Variants in TMEM132C observed in about 807,000 individuals in gnomAD.
TMEM132C encodes the protein transmembrane protein 132C.
Under a neutral mutation model 61.4 loss-of-function variants are expected in TMEM132C, and 29 were observed. That is an observed-to-expected ratio of 0.47 (90% CI 0.35 to 0.64). TMEM132C has a LOEUF of 0.64. Among genes scored for constraint, TMEM132C ranks in the 30% least tolerant of loss-of-function variants. The pLI, the probability that TMEM132C is intolerant of heterozygous loss-of-function variation, is 0.00. For synonymous variants in TMEM132C, 656 were observed against 633.1 expected, an observed-to-expected ratio of 1.04 and a Z score of -0.54; for missense variants, 1,408 against 1,476.9, an observed-to-expected ratio of 0.95 and a Z score of 0.76.
At chr12:128,316,198 A>G (rs4882737) in intron 1 of TMEM132C, among the ~76,000 whole-genome samples, 150,706 of 152,252 alleles carry the variant, frequency 0.99, 74,607 homozygotes, top group East Asian at 1. Context: ...CTTTGTCACT[A>G]ATTCTATTAG....
At chr12:128,302,057 G>A (rs1221893284) in intron 1 of TMEM132C, among the ~76,000 whole-genome samples, 2 of 152,126 alleles carry the variant, frequency 1.3e-5, no homozygotes, top group Non-Finnish European at 2.9e-5. Context: ...AGAACATGGG[G>A]GAATTATGGG....
At chr12:128,520,953 G>A (rs1298648251) in intron 2 of TMEM132C, among the ~76,000 whole-genome samples, 1 of 152,044 alleles carries the variant, frequency 6.6e-6, no homozygotes, top group Non-Finnish European at 1.5e-5. Context: ...CATCCCCTGA[G>A]TCTGCCTCTA....
At chr12:128,361,450 C>T (rs2135972430) in intron 1 of TMEM132C, among the ~76,000 whole-genome samples, 1 of 152,176 alleles carries the variant, frequency 6.6e-6, no homozygotes, top group Non-Finnish European at 1.5e-5. Flanking sequence ...CTGCCTGACC[C>T]TTGCCATCAC....
At position 128,290,848 on chromosome 12, in the gene TMEM132C, CA is replaced by C. The variant is rs769921191; in HGVS notation, c.85+23375del. The stretch of plus-strand genomic sequence containing the variant: ...ACTTTGCCTTCTGTGGCTCATTTAA[CA>C]AAAAAAAAAAAAAGAAATAAGTGAT... On this transcript the variant is annotated intron_variant, in intron 1 of 8. Coordinates refer to ENST00000435159, the MANE Select transcript of TMEM132C (RefSeq NM_001136103.3). 3.4e-3 allele frequency among the ~76,000 whole-genome samples: 469 copies of C among 139,552 alleles called. 6 individuals are homozygous for C. The East Asian group carries it at 0.053, about 16-fold the overall frequency. The allele number at this position is 139,552 out of a possible 152,430, so 91.6% of individuals were successfully genotyped here.
At chr12:128,470,975 T>A (rs1403977986) in intron 2 of TMEM132C, among the ~76,000 whole-genome samples, 3 of 152,204 alleles carry the variant, frequency 2.0e-5, no homozygotes, top group African/African-American at 7.2e-5. Flanking sequence ...TCTTCTTTCA[T>A]AGATCATGTT....
chr12:128,574,720 A>ATC, intron 3 of TMEM132C, among the ~76,000 whole-genome samples: 1 of 152,278 alleles, frequency 6.6e-6, no homozygotes, highest in East Asian at 1.9e-4. Flanking sequence ...CAAGTGGAAA[A>ATC]ACCATGCTAC....
chr12:128,595,930 C>A (rs1485624071), intron 3 of TMEM132C, among the ~76,000 whole-genome samples: 1 of 152,218 alleles, frequency 6.6e-6, no homozygotes, highest in Non-Finnish European at 1.5e-5. Context: ...CAGGAAAAAA[C>A]TGCCATGCCC....
chr12:128,675,879 AG>A (rs1327563644), intron 5 of TMEM132C, among the ~76,000 whole-genome samples: 46 of 89,462 alleles, frequency 5.1e-4, no homozygotes, highest in Admixed American at 3.1e-3. Flanking sequence ...ATAGATAGAT[AG>A]ATAAATAGAT....
rs1195774953 is a variant in TMEM132C, at chr12:128,429,950, GCA to G, written c.974+14333_974+14334del. On this transcript the variant is annotated intron_variant, in intron 2 of 8. Transcript: ENST00000435159. ...AGACACAATTATGCCATCCTGAGAT[GCA>G]CATTGGGGAGAGGAGGACCAGGCAT... Among the ~76,000 whole-genome samples, 187 of 152,104 alleles carry G rather than the reference GCA, an allele frequency of 1.2e-3. 1 individual carries two copies. Among genetic ancestry groups the G allele is most frequent in the Non-Finnish European group, 3.5e-4 (24 of 68,018 alleles).
intron 1 of TMEM132C, among the ~76,000 whole-genome samples, chr12:128,309,322 C>T (rs756269107): frequency 1.3e-5 from 2 of 152,160 alleles, no homozygotes; most frequent in African/African-American, 4.8e-5. Context: ...TCTTTGTGAA[C>T]TTCAAATGTT....
At chr12:128,501,450 A>G (rs1010535599) in intron 2 of TMEM132C, among the ~76,000 whole-genome samples, 5 of 152,216 alleles carry the variant, frequency 3.3e-5, no homozygotes, top group Non-Finnish European at 5.9e-5. Context: ...GCTCCTAACT[A>G]AGTGAGTGGT....
intron 2 of TMEM132C, among the ~76,000 whole-genome samples, chr12:128,483,409 C>T (rs749508114): frequency 3.4e-5 from 5 of 146,112 alleles, no homozygotes; most frequent in Admixed American, 6.9e-5. Context: ...ATTTGTGAGT[C>T]ACTGAGGGGC....
rs867859406 is a variant in TMEM132C at position 128,409,868 on chromosome 12, C to A, written c.86-4864C>A. 2.6e-4 allele frequency among the ~76,000 whole-genome samples: 40 copies of A among 152,258 alleles called. 1 individual carries two copies. Among genetic ancestry groups the A allele is most frequent in the African/African-American group, 9.6e-4 (40 of 41,556 alleles). ...TTTACCTGGAAGAGTTAATAATGAA[C>A]ACTTTCTCCCCGGCTAAGAAAGAAG... On this transcript the variant is annotated intron_variant, in intron 1 of 8. Coordinates refer to ENST00000435159, the MANE Select transcript of TMEM132C (RefSeq NM_001136103.3).
chr12:128,588,825 A>T (rs957013184), intron 3 of TMEM132C, among the ~76,000 whole-genome samples: 7 of 152,184 alleles, frequency 4.6e-5, no homozygotes, highest in African/African-American at 1.4e-4. Context: ...AACTGTGAGC[A>T]GTATGTTTCT....
chr12:128,294,986 A>AATAGATAGATAGATAGATAGATAG lies in TMEM132C; in HGVS notation c.85+27515_85+27516insATAGATAGATAGATAGATAGATAG, dbSNP rs1555251003. 1.6e-3 allele frequency among the ~76,000 whole-genome samples: 247 copies of AATAGATAGATAGATAGATAGATAG among 150,292 alleles called. 2 individuals carry two copies. Among genetic ancestry groups the AATAGATAGATAGATAGATAGATAG allele is most frequent in the African/African-American group, 5.8e-3 (235 of 40,764 alleles). On this transcript the variant is annotated intron_variant, in intron 1 of 8. Transcript: ENST00000435159. Reference sequence around the variant, plus strand: ...TGGTGTGAGCCCTAAATAAATAAATAATAGATAGATAGATAGGTAGATAGA... The same window carrying AATAGATAGATAGATAGATAGATAG: ...TGGTGTGAGCCCTAAATAAATAAATAATAGATAGATAGATAGATAGATAGATAGATAGATAGATAGGTAGATAGA...
chr12:128,403,882 C>T (rs981600775), intron 1 of TMEM132C, among the ~76,000 whole-genome samples: 1 of 152,202 alleles, frequency 6.6e-6, no homozygotes, highest in Non-Finnish European at 1.5e-5. Flanking sequence ...TAATATCTGA[C>T]AAACTACCTC....
chr12:128,269,670 T>C (rs557025696), intron 1 of TMEM132C, among the ~76,000 whole-genome samples: 31 of 152,268 alleles, frequency 2.0e-4, no homozygotes, highest in African/African-American at 6.3e-4. Context: ...CTGCAACTTA[T>C]CATCTGCAAA....
chr12:128,622,643 G>C (rs1330317277), intron 4 of TMEM132C, among the ~76,000 whole-genome samples: 2 of 151,880 alleles, frequency 1.3e-5, no homozygotes, highest in African/African-American at 4.8e-5. Context: ...TCAATCTGCA[G>C]GTGATGGATG....
At chr12:128,486,458 C>T (rs1189565077) in intron 2 of TMEM132C, among the ~76,000 whole-genome samples, 5 of 152,108 alleles carry the variant, frequency 3.3e-5, no homozygotes, top group Admixed American at 3.3e-4. Context: ...AGTCTACAAG[C>T]TAAGAGGCAA....
Sources: gnomAD v4.1 joint callset for allele counts (sites outside exome capture counted in the v4.1 genomes callset) on GRCh38, gnomAD v4.1.1 for gene constraint, MANE v1.5 for transcripts, NCBI Gene and HGNC (gene_info 2026-07-23, HGNC 2026-07-21) for gene names.